Variants in GRM5 observed in about 807,000 individuals in gnomAD.
The protein encoded by GRM5 is metabotropic glutamate receptor 5.
A neutral mutation model predicts 83.1 loss-of-function variants in GRM5; 19 were observed. The ratio of observed to expected loss-of-function variants is 0.23; its 90% CI spans 0.16 to 0.34. GRM5 has a LOEUF of 0.34. Ranked by LOEUF, GRM5 falls within the 10% of genes least tolerant of loss-of-function variation. The pLI is 1.00. For missense variants in GRM5, 1,160 were observed against 1,588.3 expected, an observed-to-expected ratio of 0.73 and a Z score of 4.58; for synonymous variants, 675 against 633.6, an observed-to-expected ratio of 1.07 and a Z score of -0.98.
Position 88,508,605 on chromosome 11 carries a change from G to C in GRM5, c.3626C>G (p.Ser1209Cys). The change falls in exon 10 of 10, where the codon TCC (serine) becomes TGC (cysteine). Residue 1209 changes from serine (S) to cysteine (C), a missense_variant. Physicochemically the swap from Ser to Cys is moderately radical, Grantham distance 112. Transcript: ENST00000305447. The surrounding 1 kb of genome is among the most constrained non-coding windows in gnomAD (Gnocchi z 4.2). ...TLIIRDYTQS[S>C]SSL is the part of the protein sequence containing the mutation. ...TTCCAGGGACATTCACAACGACGAGGAGCTCTGAGTGTAATCTCTTATGAT... is the reference window on the plus strand; with the variant it reads ...TTCCAGGGACATTCACAACGACGAGCAGCTCTGAGTGTAATCTCTTATGAT... 1 of 1,608,458 alleles carries C rather than the reference G, an allele frequency of 6.2e-7. No homozygotes were observed. The highest frequency in any genetic ancestry group is 8.5e-7 in the Non-Finnish European group (1 of 1,177,372).
intron 3 of GRM5, among the ~76,000 whole-genome samples, chr11:88,701,686 T>C (rs1434238300): frequency 6.6e-6 from 1 of 152,138 alleles, no homozygotes; most frequent in African/African-American, 2.4e-5. Flanking sequence ...GGAGGTTACA[T>C]TGGTTTGGCC....
At chr11:88,907,975 A>C (rs1945432827) in intron 2 of GRM5, among the ~76,000 whole-genome samples, 1 of 152,146 alleles carries the variant, frequency 6.6e-6, no homozygotes, top group Non-Finnish European at 1.5e-5. Context: ...TAGAAAAAAT[A>C]TTATCTGAGG....
intron 7 of GRM5, among the ~76,000 whole-genome samples, chr11:88,571,360 T>G (rs891581238): frequency 4.6e-5 from 7 of 152,210 alleles, no homozygotes; most frequent in African/African-American, 1.4e-4. Context: ...ATGCTTCTTT[T>G]ATTTAATGTA....
chr11:88,985,226 C>G (rs1483456956), intron 2 of GRM5, among the ~76,000 whole-genome samples: 2 of 152,094 alleles, frequency 1.3e-5, no homozygotes, highest in Non-Finnish European at 2.9e-5. Flanking sequence ...GATGCCATAA[C>G]TCATGCTCCT....
At chr11:88,896,073 G>A (rs1945224273) in intron 2 of GRM5, among the ~76,000 whole-genome samples, 2 of 151,880 alleles carry the variant, frequency 1.3e-5, no homozygotes, top group African/African-American at 4.8e-5. Context: ...TAGAGAGAAG[G>A]TAATATGTAT....
At chr11:88,758,170 C>T (rs1942436953) in intron 3 of GRM5, among the ~76,000 whole-genome samples, 1 of 152,168 alleles carries the variant, frequency 6.6e-6, no homozygotes, top group South Asian at 2.1e-4. Flanking sequence ...GTCAGAAAGG[C>T]AGAGTGCCTT....
rs566264237 is a variant in GRM5, at chr11:88,522,339, C to T, written c.2726+2970G>A. 1.1e-4 allele frequency among the ~76,000 whole-genome samples: 17 copies of T among 152,254 alleles called. No homozygotes were observed. The South Asian group carries it at 2.3e-3, about 20-fold the overall frequency. ...ACTACTTCAACCCCTTACTTAGAAA[C>T]GGCTTCCATCACAGTTATCTCCTCT... On this transcript the variant is annotated intron_variant, in intron 9 of 9. Coordinates refer to ENST00000305447, the MANE Select transcript of GRM5 (RefSeq NM_001143831.3).
chr11:88,819,039 C>G (rs1289634204), intron 3 of GRM5, among the ~76,000 whole-genome samples: 1 of 152,142 alleles, frequency 6.6e-6, no homozygotes, highest in Non-Finnish European at 1.5e-5. Flanking sequence ...TTGGTTTAAA[C>G]TTCCAGCTCT....
chr11:88,677,251 T>C (rs1321866380), intron 3 of GRM5, among the ~76,000 whole-genome samples: 2 of 152,116 alleles, frequency 1.3e-5, no homozygotes, highest in Non-Finnish European at 2.9e-5. Context: ...GGGTAATGTT[T>C]TTCTTCCAAT....
intron 2 of GRM5, among the ~76,000 whole-genome samples, chr11:89,003,267 C>T (rs764221178): frequency 7.9e-5 from 12 of 152,026 alleles, no homozygotes; most frequent in Middle Eastern, 3.4e-3. Context: ...TAAAACCGGA[C>T]GGATAACCGC....
At chr11:89,013,716 G>A (rs1366457210) in intron 2 of GRM5, among the ~76,000 whole-genome samples, 3 of 152,118 alleles carry the variant, frequency 2.0e-5, no homozygotes, top group Non-Finnish European at 4.4e-5. Context: ...AGAGGTTCAG[G>A]GAAATGTCAT....
At position 89,045,271 on chromosome 11, in the gene GRM5, A is replaced by C. The variant is rs1222209260; in HGVS notation, c.661+1941T>G. Among the ~76,000 whole-genome samples, 9 of 152,250 alleles carry C rather than the reference A, an allele frequency of 5.9e-5. No homozygotes were observed. In the South Asian group the frequency reaches 6.2e-4, roughly 11 times the overall value. The stretch of plus-strand genomic sequence containing the variant: ...TTTCAGTAGGTAAATTATGTATTTA[A>C]TATAGAGCTTAAAGTGTATGTATAT... On this transcript the variant is annotated intron_variant, in intron 2 of 9. Coordinates refer to ENST00000305447, the MANE Select transcript of GRM5 (RefSeq NM_001143831.3).
intron 3 of GRM5, among the ~76,000 whole-genome samples, chr11:88,815,029 C>G (rs952008625): frequency 6.6e-6 from 1 of 152,120 alleles, no homozygotes. Flanking sequence ...AACAAGTCAA[C>G]TGAAAAATAA....
intron 2 of GRM5, among the ~76,000 whole-genome samples, chr11:89,039,876 C>T (rs1341664741): frequency 6.6e-6 from 1 of 152,208 alleles, no homozygotes; most frequent in African/African-American, 2.4e-5. Flanking sequence ...ACTTCGCTCA[C>T]TTCAGCCTCA....
chr11:88,715,918 T>C (rs72962537), intron 3 of GRM5, among the ~76,000 whole-genome samples: 7,214 of 152,066 alleles, frequency 0.047, 166 homozygotes, highest in Middle Eastern at 0.075. Flanking sequence ...TGGGAATTTC[T>C]ATTTTTATCA....
At chr11:88,673,901 A>C (rs1009357885) in intron 3 of GRM5, among the ~76,000 whole-genome samples, 18 of 151,490 alleles carry the variant, frequency 1.2e-4, no homozygotes, top group South Asian at 2.1e-4. Flanking sequence ...TGAAAAAAAA[A>C]AAACAAACAT....
chr11:88,873,584 A>G (rs1430765719), intron 2 of GRM5, among the ~76,000 whole-genome samples: 1 of 151,714 alleles, frequency 6.6e-6, no homozygotes, highest in Non-Finnish European at 1.5e-5. Context: ...CAAATAAATG[A>G]AAATTAAACA....
chr11:88,542,150 A>G (rs1320625124), intron 8 of GRM5, among the ~76,000 whole-genome samples: 2 of 152,190 alleles, frequency 1.3e-5, no homozygotes, highest in Admixed American at 6.5e-5. Context: ...GTGAGAGCAG[A>G]CTAATACACT....
At chr11:89,001,479 A>G (rs866226055) in intron 2 of GRM5, among the ~76,000 whole-genome samples, 1 of 152,180 alleles carries the variant, frequency 6.6e-6, no homozygotes, top group African/African-American at 2.4e-5. Flanking sequence ...AGTTCCATTT[A>G]TAGAACATTC....
Sources: gnomAD v4.1 joint callset for allele counts (sites outside exome capture counted in the v4.1 genomes callset) on GRCh38, gnomAD v4.1.1 for gene constraint, Gnocchi (gnomAD v3.1) non-coding constraint, MANE v1.5 for transcripts, NCBI Gene and HGNC (gene_info 2026-07-23, HGNC 2026-07-21) for gene names.